CSMD1: variants seen among roughly 807,000 people sequenced by gnomAD.
CSMD1 encodes the protein CUB and sushi domain-containing protein 1.
A neutral mutation model predicts 417.5 loss-of-function variants in CSMD1; 213 were observed. That is an observed-to-expected ratio of 0.51 (90% CI 0.46 to 0.57). The LOEUF (loss-of-function observed/expected upper bound fraction) is 0.57. Among genes scored for constraint, CSMD1 ranks in the 20% least tolerant of loss-of-function variants. The probability of loss-of-function intolerance (pLI) is 0.00; values close to 1 mark genes in which losing one functional copy is unlikely to be tolerated. For synonymous variants in CSMD1, 2,862 were observed against 1,736.8 expected (o/e 1.65, Z -16.11); for missense variants, 6,923 against 4,529.7 (o/e 1.53, Z -15.17).
intron 5 of CSMD1, among the ~76,000 whole-genome samples, chr8:3,908,074 C>T (rs1167480168): frequency 6.6e-6 from 1 of 152,144 alleles, no homozygotes; most frequent in Non-Finnish European, 1.5e-5. Context: ...ATTGCAGTCA[C>T]TGGAGGTCAA....
At chr8:3,113,802 G>A (rs1816685570) in intron 42 of CSMD1, among the ~76,000 whole-genome samples, 1 of 152,208 alleles carries the variant, frequency 6.6e-6, no homozygotes, top group Admixed American at 6.5e-5. Context: ...GCACACCTTG[G>A]CACAGGAGGG....
intron 3 of CSMD1, among the ~76,000 whole-genome samples, chr8:4,345,177 C>T (rs139248258): frequency 6.6e-6 from 1 of 152,252 alleles, no homozygotes; most frequent in African/African-American, 2.4e-5. Context: ...TTTCCACTTA[C>T]ATGCAAGACA....
At chr8:4,743,455 G>A (rs538002987) in intron 1 of CSMD1, among the ~76,000 whole-genome samples, 2 of 152,244 alleles carry the variant, frequency 1.3e-5, no homozygotes, top group South Asian at 4.1e-4. Context: ...GCAGAGTAGA[G>A]CGCTTCTCAC....
intron 3 of CSMD1, among the ~76,000 whole-genome samples, chr8:4,092,351 C>T (rs185744002): frequency 1.7e-4 from 26 of 152,226 alleles, no homozygotes; most frequent in African/African-American, 4.8e-4. Flanking sequence ...AGAATCATGA[C>T]GTGACACTTC....
chr8:4,112,752 C>T (rs1801923814), intron 3 of CSMD1, among the ~76,000 whole-genome samples: 1 of 152,158 alleles, frequency 6.6e-6, no homozygotes. Context: ...AACAATATAT[C>T]CTTAAATGCT....
At chr8:4,200,007 G>A (rs1799557536) in intron 3 of CSMD1, among the ~76,000 whole-genome samples, 1 of 152,148 alleles carries the variant, frequency 6.6e-6, no homozygotes. Context: ...CAAGGGCCCT[G>A]GACTTGTTGA....
At chr8:3,564,672 A>G (rs922746118) in intron 10 of CSMD1, among the ~76,000 whole-genome samples, 3 of 152,092 alleles carry the variant, frequency 2.0e-5, no homozygotes, top group African/African-American at 7.2e-5. Context: ...CTGAGGTGTT[A>G]TAAGAAAATC....
Position 4,105,396 on chromosome 8 carries a change from T to C in CSMD1, c.416-73297A>G, listed in dbSNP as rs193020972. Among the ~76,000 whole-genome samples the C allele has an allele frequency of 3.3e-5, 5 of 152,310 alleles. No individual in the cohort carries two copies. In the South Asian group the frequency reaches 6.2e-4, roughly 19 times the overall value. Reference sequence around the variant, plus strand: ...GTAACTATGAATAAGAAGGTGTTTATAGAAAAGTATTTTTAGGAAAGAGCA... The same window carrying C: ...GTAACTATGAATAAGAAGGTGTTTACAGAAAAGTATTTTTAGGAAAGAGCA... On this transcript the variant is annotated intron_variant, in intron 3 of 69. Coordinates refer to ENST00000635120, the MANE Select transcript of CSMD1 (RefSeq NM_033225.6).
chr8:4,560,684 C>G (rs1206194143), intron 2 of CSMD1, among the ~76,000 whole-genome samples: 1 of 152,204 alleles, frequency 6.6e-6, no homozygotes, highest in Non-Finnish European at 1.5e-5. Flanking sequence ...TCTTTACAAG[C>G]AAGATTTCAT....
At chr8:4,483,894 G>A (rs1346503590) in intron 2 of CSMD1, among the ~76,000 whole-genome samples, 1 of 152,102 alleles carries the variant, frequency 6.6e-6, no homozygotes, top group East Asian at 1.9e-4. Flanking sequence ...GAACCGAAAG[G>A]GTTTGCTTAT....
At chr8:3,490,345 T>C (rs1339120764) in intron 11 of CSMD1, among the ~76,000 whole-genome samples, 1 of 152,212 alleles carries the variant, frequency 6.6e-6, no homozygotes, top group Non-Finnish European at 1.5e-5. Flanking sequence ...GCAATTGCTT[T>C]CTTAACAACA....
At chr8:4,600,726 G>C (rs913041370) in intron 2 of CSMD1, among the ~76,000 whole-genome samples, 8 of 152,252 alleles carry the variant, frequency 5.3e-5, no homozygotes, top group African/African-American at 1.7e-4. Flanking sequence ...GAAAGACAGA[G>C]GGTGTAAACT....
intron 1 of CSMD1, among the ~76,000 whole-genome samples, chr8:4,739,853 T>C (rs1252160153): frequency 6.6e-6 from 1 of 152,162 alleles, no homozygotes; most frequent in Non-Finnish European, 1.5e-5. Flanking sequence ...CCACCGTTCC[T>C]ACTCTTCCCA....
At chr8:3,570,906 G>T (rs1013417089) in intron 10 of CSMD1, among the ~76,000 whole-genome samples, 2 of 152,168 alleles carry the variant, frequency 1.3e-5, no homozygotes, top group African/African-American at 4.8e-5. Context: ...TTTTTAGATA[G>T]AATTTCAATT....
chr8:4,010,825 C>A lies in CSMD1; in HGVS notation c.611-12715G>T, dbSNP rs899633177. On this transcript the variant is annotated intron_variant, in intron 4 of 69. Coordinates refer to ENST00000635120, the MANE Select transcript of CSMD1 (RefSeq NM_033225.6). Reference sequence around the variant, plus strand: ...ACAGTAAAACACCTTTGGTTCCAGTCTAGGCCAAGTCCACTTTTATATCCT... The same window carrying A: ...ACAGTAAAACACCTTTGGTTCCAGTATAGGCCAAGTCCACTTTTATATCCT... 2.6e-5 allele frequency among the ~76,000 whole-genome samples: 4 copies of A among 152,174 alleles called. No individual in the cohort carries two copies. The South Asian group carries it at 8.3e-4, about 32-fold the overall frequency.
intron 7 of CSMD1, among the ~76,000 whole-genome samples, chr8:3,697,228 T>C (rs79365379): frequency 2.0e-5 from 3 of 152,196 alleles, no homozygotes; most frequent in South Asian, 2.1e-4. Flanking sequence ...CAGAAAATGG[T>C]AGTCAGTTTC....
At chr8:4,155,227 C>T (rs1002644974) in intron 3 of CSMD1, among the ~76,000 whole-genome samples, 3 of 152,110 alleles carry the variant, frequency 2.0e-5, no homozygotes, top group African/African-American at 4.8e-5. Flanking sequence ...ATGACTGGGT[C>T]ACGCAAATGT....
At chr8:3,679,033 G>C (rs185421215) in intron 7 of CSMD1, among the ~76,000 whole-genome samples, 428 of 152,146 alleles carry the variant, frequency 2.8e-3, no homozygotes, top group South Asian at 4.6e-3. Flanking sequence ...TCCTGAAGAA[G>C]CACTAAACAT....
chr8:4,276,587 A>G (rs1392899399), intron 3 of CSMD1, among the ~76,000 whole-genome samples: 2 of 152,208 alleles, frequency 1.3e-5, no homozygotes, highest in Non-Finnish European at 2.9e-5. Flanking sequence ...AACTTTAAGT[A>G]TAATAAAAAT....
Sources: gnomAD v4.1 joint callset for allele counts (sites outside exome capture counted in the v4.1 genomes callset) on GRCh38, gnomAD v4.1.1 for gene constraint, MANE v1.5 for transcripts, NCBI Gene and HGNC (gene_info 2026-07-23, HGNC 2026-07-21) for gene names.